TBCEL: variants seen among roughly 807,000 people sequenced by gnomAD.
TBCEL encodes tubulin-specific chaperone cofactor E-like protein.
Under a neutral mutation model 44.2 loss-of-function variants are expected in TBCEL, and 15 were observed. That is an observed-to-expected ratio of 0.34 (90% CI 0.23 to 0.52). TBCEL has a LOEUF of 0.52. TBCEL is among the 20% of genes least tolerant of loss of function. The pLI is 0.95. For synonymous variants in TBCEL, 171 were observed against 185.4 expected, an observed-to-expected ratio of 0.92 and a Z score of 0.63; for missense variants, 319 against 506.3, an observed-to-expected ratio of 0.63 and a Z score of 3.55.
At chr11:121,075,973 T>G (rs1204159501) in intron 8 of TBCEL, among the ~76,000 whole-genome samples, 1 of 151,960 alleles carries the variant, frequency 6.6e-6, no homozygotes. Context: ...GAATTGATTT[T>G]ATACCTTTGT....
At chr11:121,030,063 G>C (rs1330344541) in intron 1 of TBCEL, among the ~76,000 whole-genome samples, 3 of 152,154 alleles carry the variant, frequency 2.0e-5, no homozygotes, top group African/African-American at 7.2e-5. Flanking sequence ...TGCTATTTTT[G>C]ATGGGGTGGT....
rs2135029010 is a variant in TBCEL at position 121,086,841 on chromosome 11, C to T, written c.1020C>T (p.Pro340=). The part of the protein sequence containing the change: ...LEPLAEVDLR[P]QSSAKVEVHF... ...CTTTGGCAGAAGTGGACCTAAGACC[C>T]CAGAGCAGTGCAAAAGTAGAAGTCC... The change falls in exon 9 of 9, where the codon CCC becomes CCT. Residue 340 remains proline (P), a synonymous_variant. Coordinates refer to ENST00000683345, the MANE Select transcript of TBCEL (RefSeq NM_001363644.2). 1.2e-6 allele frequency: 2 copies of T among 1,613,922 alleles called. No individual in the cohort carries two copies. The highest frequency in any genetic ancestry group is 4.5e-5 in the East Asian group (2 of 44,824).
intron 8 of TBCEL, among the ~76,000 whole-genome samples, chr11:121,075,530 GT>G (rs1946017432): frequency 6.6e-6 from 1 of 151,940 alleles, no homozygotes; most frequent in Non-Finnish European, 1.5e-5. Context: ...CTTTGCTGGA[GT>G]TTTGACAGGA....
At chr11:121,034,622 T>G (rs1945199339) in intron 1 of TBCEL, among the ~76,000 whole-genome samples, 1 of 152,166 alleles carries the variant, frequency 6.6e-6, no homozygotes, top group South Asian at 2.1e-4. Flanking sequence ...TATGCAAGTT[T>G]CCAGTATATG....
chr11:121,028,206 AAAAT>A (rs1054350453), intron 1 of TBCEL, among the ~76,000 whole-genome samples: 8 of 151,148 alleles, frequency 5.3e-5, no homozygotes, highest in East Asian at 1.9e-4. Context: ...ACTGTTTAAA[AAAAT>A]AAATAAATAA....
intron 5 of TBCEL, among the ~76,000 whole-genome samples, chr11:121,054,067 A>G (rs1016266866): frequency 6.6e-6 from 1 of 151,880 alleles, no homozygotes; most frequent in African/African-American, 2.4e-5. Context: ...TTTCTTTGGG[A>G]GGAAAAGTCA....
At position 121,087,063 on chromosome 11, in the gene TBCEL, A is replaced by C; in HGVS notation, c.1242A>C (p.Gly414=). The change falls in exon 9 of 9, where the codon GGA becomes GGC. Residue 414 remains glycine, a synonymous_variant. Transcript: ENST00000683345. ...TGCATTCCTTTGGCATTAGGGATGGAGATAAAATTTACGTGGAATCCAAAA... is the reference window on the plus strand; with the variant it reads ...TGCATTCCTTTGGCATTAGGGATGGCGATAAAATTTACGTGGAATCCAAAA... ...RALHSFGIRD[G]DKIYVESKTK The C allele has an allele frequency of 6.2e-7, 1 of 1,613,812 alleles. No homozygotes were observed.
intron 8 of TBCEL, among the ~76,000 whole-genome samples, chr11:121,085,039 A>T (rs779355322): frequency 1.3e-4 from 19 of 150,142 alleles, no homozygotes; most frequent in East Asian, 1.2e-3. Context: ...TTATAATAAT[A>T]ATTATTATTA....
chr11:121,077,582 A>T (rs1946054990), intron 8 of TBCEL, among the ~76,000 whole-genome samples: 1 of 152,036 alleles, frequency 6.6e-6, no homozygotes, highest in Admixed American at 6.6e-5. Flanking sequence ...TTCGGGTGTT[A>T]TGAGTTTTCT....
At chr11:121,070,834 T>TAA (rs1248859590) in intron 8 of TBCEL, among the ~76,000 whole-genome samples, 7 of 137,668 alleles carry the variant, frequency 5.1e-5, no homozygotes, top group Non-Finnish European at 9.5e-5. Context: ...TTAAAGTATT[T>TAA]AAAAAAAAAA....
intron 8 of TBCEL, among the ~76,000 whole-genome samples, chr11:121,080,003 G>C (rs1369615602): frequency 6.6e-6 from 1 of 152,064 alleles, no homozygotes; most frequent in East Asian, 1.9e-4. Flanking sequence ...TTTTACTAGA[G>C]ACGGGGTTTC....
At chr11:121,075,877 T>A (rs1411901187) in intron 8 of TBCEL, among the ~76,000 whole-genome samples, 1 of 152,088 alleles carries the variant, frequency 6.6e-6, no homozygotes, top group Non-Finnish European at 1.5e-5. Context: ...CTGTGTGGGG[T>A]AGGATACGGA....
At chr11:121,057,624 T>C (rs1459794974) in intron 6 of TBCEL, 1 of 454,846 alleles carries the variant, frequency 2.2e-6, no homozygotes, top group Non-Finnish European at 4.4e-6. Flanking sequence ...GGTAGTTGTG[T>C]CTGCACTGAA....
chr11:121,055,835 A>G (rs1012794724), intron 6 of TBCEL, among the ~76,000 whole-genome samples: 1 of 151,516 alleles, frequency 6.6e-6, no homozygotes, highest in Non-Finnish European at 1.5e-5. Flanking sequence ...AATTCAACAG[A>G]GAGTACAGAG....
rs930036135 is a variant in TBCEL, at chr11:121,089,229, G to A, written c.*2133G>A. 2.0e-5 allele frequency: 3 copies of A among 152,162 alleles called. No homozygotes were observed. The highest frequency in any genetic ancestry group is 6.5e-5 in the Admixed American group (1 of 15,268). The allele number at this position is 152,162 out of a possible 1,614,324, so 9.4% of individuals were successfully genotyped here. A position where few individuals can be genotyped will look rare whatever the true frequency, so the allele number is the denominator to read the frequency against. ...CACTTATGTTATGCTTTAATCATAA[G>A]TGGAATGGTCACAATTAATAAGATA... is the stretch of plus-strand genomic sequence containing the variant. On this transcript the variant is annotated 3_prime_UTR_variant, in exon 9 of 9. Transcript: ENST00000683345.
chr11:121,068,754 G>C (rs1176096480), intron 8 of TBCEL, among the ~76,000 whole-genome samples: 1 of 151,996 alleles, frequency 6.6e-6, no homozygotes, highest in African/African-American at 2.4e-5. Context: ...AGGCATGGTA[G>C]TGCATACCTG....
chr11:121,080,072 C>T (rs1357699642), intron 8 of TBCEL, among the ~76,000 whole-genome samples: 2 of 152,156 alleles, frequency 1.3e-5, no homozygotes, highest in African/African-American at 2.4e-5. Context: ...CCACCTTGAC[C>T]TCTGAAAGTG....
rs763406475 is a variant in TBCEL, at chr11:121,055,303, A to G, written c.707A>G (p.Lys236Arg). 1 of 1,607,232 alleles carries G rather than the reference A, an allele frequency of 6.2e-7. No individual in the cohort carries two copies. The highest frequency in any genetic ancestry group is 1.1e-5 in the South Asian group (1 of 89,832). The change falls in exon 6 of 9, where the codon AAG becomes AGG. Residue 236 changes from lysine to arginine, a missense_variant. Transcript: ENST00000683345. ...FPNLRSISLH[K>R]SGLQSWEDID... ...AATCTTCGATCCATCAGCCTCCACA[A>G]GTCAGGTGAGGTTCAGGCTTGTTCT... is the stretch of plus-strand genomic sequence containing the variant.
At chr11:121,058,301 A>G (rs1279938993) in intron 6 of TBCEL, 44 bp from the exon 7 acceptor site, 1 of 1,598,100 alleles carries the variant, frequency 6.3e-7, no homozygotes, top group Admixed American at 1.7e-5. Flanking sequence ...CTTCTTATTT[A>G]TGTGCATCTC....
Sources: gnomAD v4.1 joint callset for allele counts (sites outside exome capture counted in the v4.1 genomes callset) on GRCh38, gnomAD v4.1.1 for gene constraint, MANE v1.5 for transcripts, NCBI Gene and HGNC (gene_info 2026-07-23, HGNC 2026-07-21) for gene names.